KPNA3: variants seen among roughly 807,000 people sequenced by gnomAD.
The protein encoded by KPNA3 is importin subunit alpha-4.
KPNA3 carries 13 observed loss-of-function variants against 73.8 expected under a neutral mutation model. The ratio of observed to expected loss-of-function variants is 0.18; its 90% CI spans 0.11 to 0.28. The LOEUF (loss-of-function observed/expected upper bound fraction) is 0.28. KPNA3 is among the 10% of genes least tolerant of loss of function. The pLI is 1.00. For missense variants in KPNA3, 360 were observed against 618.1 expected, an observed-to-expected ratio of 0.58 and a Z score of 4.43; for synonymous variants, 186 against 206.9, an observed-to-expected ratio of 0.90 and a Z score of 0.87.
At chr13:49,787,067 T>TA (rs1470221238) in intron 1 of KPNA3, among the ~76,000 whole-genome samples, 2 of 152,184 alleles carry the variant, frequency 1.3e-5, no homozygotes, top group African/African-American at 4.8e-5. Context: ...GATAGAATCT[T>TA]AAACTTGGAC....
At chr13:49,783,354 G>C (rs577900917) in intron 1 of KPNA3, among the ~76,000 whole-genome samples, 1 of 152,160 alleles carries the variant, frequency 6.6e-6, no homozygotes, top group East Asian at 1.9e-4. Context: ...CAGCAAAACT[G>C]CAAGAAAGGA....
intron 1 of KPNA3, among the ~76,000 whole-genome samples, chr13:49,776,236 C>T (rs549242834): frequency 1.5e-4 from 23 of 152,208 alleles, no homozygotes; most frequent in African/African-American, 4.8e-4. Context: ...AGAACTTTAA[C>T]ATCCAAGTAT....
intron 9 of KPNA3, among the ~76,000 whole-genome samples, chr13:49,720,422 A>G (rs1954344100): frequency 6.6e-6 from 1 of 152,206 alleles, no homozygotes; most frequent in Non-Finnish European, 1.5e-5. Context: ...TTTGCATAGC[A>G]ACAAAAAGTA....
At position 49,702,393 on chromosome 13, in the gene KPNA3, C is replaced by T; in HGVS notation, c.1460G>A (p.Gly487Asp). Residue 487 changes from glycine to aspartate, a missense_variant, in exon 16 of 17, where the codon GGT becomes GAT. By Grantham distance (94) the Gly-to-Asp change is moderately conservative. This residue lies in a region of KPNA3 where 287 missense variants were observed against 549.1 expected (regional missense o/e 0.52). Coordinates refer to ENST00000261667, the MANE Select transcript of KPNA3 (RefSeq NM_002267.4). ...AFEIIDQYFS[G>D]DDIDEDPCLI... Reference sequence around the variant, plus strand: ...ATTTTAATATCTACTTACATCATCACCAGAGAAATACTGATCTATGATTTC... The same window carrying T: ...ATTTTAATATCTACTTACATCATCATCAGAGAAATACTGATCTATGATTTC... 1 of 1,451,010 alleles carries T rather than the reference C, an allele frequency of 6.9e-7. No individual in the cohort carries two copies. Among genetic ancestry groups the T allele is most frequent in the Non-Finnish European group, 9.6e-7 (1 of 1,038,880 alleles). The allele number at this position is 1,451,010 out of a possible 1,614,324, so 89.9% of individuals were successfully genotyped here. A position where few individuals can be genotyped will look rare whatever the true frequency, so the allele number is the denominator to read the frequency against.
At chr13:49,720,647 G>A (rs1031968618) in intron 9 of KPNA3, among the ~76,000 whole-genome samples, 2 of 149,412 alleles carry the variant, frequency 1.3e-5, no homozygotes, top group African/African-American at 2.5e-5. Context: ...CATGAGAATC[G>A]CTTGAACCCC....
At chr13:49,705,541 G>T in intron 15 of KPNA3, 80 bp downstream of exon 15, 2 of 1,367,526 alleles carry the variant, frequency 1.5e-6, no homozygotes, top group African/African-American at 1.4e-5. Flanking sequence ...GTAATTTTCT[G>T]TCTAGTAAGT....
At chr13:49,741,745 T>C (rs1260568462) in intron 2 of KPNA3, among the ~76,000 whole-genome samples, 10 of 152,184 alleles carry the variant, frequency 6.6e-5, no homozygotes, top group South Asian at 2.1e-4. Context: ...TGAGCCACCG[T>C]GCCCAATCCT....
At chr13:49,746,826 C>G in intron 2 of KPNA3, 123 bp downstream of exon 2, 1 of 676,096 alleles carries the variant, frequency 1.5e-6, no homozygotes, top group East Asian at 2.7e-5. Context: ...GATAAAGTAT[C>G]CAGTGATGTG....
chr13:49,717,820 C>T (rs892543153), intron 10 of KPNA3, among the ~76,000 whole-genome samples: 4 of 152,228 alleles, frequency 2.6e-5, no homozygotes, highest in African/African-American at 9.6e-5. Context: ...TCTGTCCCCA[C>T]TTCTGTCTCC....
chr13:49,703,807 G>A (rs1954174925), intron 15 of KPNA3, among the ~76,000 whole-genome samples: 1 of 151,908 alleles, frequency 6.6e-6, no homozygotes, highest in Non-Finnish European at 1.5e-5. Context: ...TCTTTTTGAA[G>A]GTTATTTTAA....
At chr13:49,708,515 T>C (rs1954229522) in intron 12 of KPNA3, among the ~76,000 whole-genome samples, 9 of 152,226 alleles carry the variant, frequency 5.9e-5, no homozygotes. Context: ...CGAGCAATTC[T>C]ACTTGCAGTT....
rs9535312 is a variant in KPNA3, at chr13:49,722,520, C to T, written c.513G>A (p.Gln171=). The change falls in exon 8 of 17, where the codon CAG becomes CAA. Residue 171 remains glutamine (Q), a synonymous_variant. Coordinates refer to ENST00000261667, the MANE Select transcript of KPNA3 (RefSeq NM_002267.4). ...LFLRLLRSPH[Q]NVCEQAVWAL... is the part of the protein sequence containing the mutation. ...CCCATACTGCTTGTTCACAAACATT[C>T]TGATGTGGTGAACGAAGAAGTCTCA... 6.2e-7 allele frequency: 1 copy of T among 1,612,076 alleles called. No individual in the cohort carries two copies. Among genetic ancestry groups the T allele is most frequent in the Non-Finnish European group, 8.5e-7 (1 of 1,179,020 alleles).
intron 11 of KPNA3, among the ~76,000 whole-genome samples, chr13:49,710,040 A>G (rs951264161): frequency 1.3e-5 from 2 of 151,996 alleles, no homozygotes; most frequent in Non-Finnish European, 2.9e-5. Flanking sequence ...GGCGGGGGGG[A>G]TCACCTGAGG....
Position 49,730,519 on chromosome 13 carries a change from C to CAA in KPNA3, c.383+1850_383+1851dup, listed in dbSNP as rs55725741. Among the ~76,000 whole-genome samples, 40 of 27,290 alleles carry CAA rather than the reference C, an allele frequency of 1.5e-3. 11 individuals carry two copies. Among genetic ancestry groups the CAA allele is most frequent in the East Asian group, 6.8e-3 (4 of 590 alleles). 17.9% of individuals were successfully genotyped at this position (27,290 alleles called of 152,430 possible). ...TGGGCAACAGAGCGAGACTCTGTCT[C>CAA]AAAAAAAAAAAAAAAAAAAAAAAAA... On this transcript the variant is annotated intron_variant, in intron 6 of 16. Transcript: ENST00000261667.
At chr13:49,750,184 A>G (rs1954650239) in intron 1 of KPNA3, among the ~76,000 whole-genome samples, 1 of 152,232 alleles carries the variant, frequency 6.6e-6, no homozygotes, top group Non-Finnish European at 1.5e-5. Flanking sequence ...GGATCGGCAA[A>G]CTATAACCTG....
At chr13:49,756,289 T>C (rs1055968230) in intron 1 of KPNA3, among the ~76,000 whole-genome samples, 1 of 151,668 alleles carries the variant, frequency 6.6e-6, no homozygotes, top group African/African-American at 2.4e-5. Flanking sequence ...AAACAAACAA[T>C]GCTGGATGAT....
At chr13:49,718,372 G>A (rs1156648894) in intron 10 of KPNA3, among the ~76,000 whole-genome samples, 2 of 152,158 alleles carry the variant, frequency 1.3e-5, no homozygotes, top group Admixed American at 1.3e-4. Flanking sequence ...TAATTTGTGA[G>A]TGTTTGCTAA....
chr13:49,726,741 G>A (rs1172529155), intron 6 of KPNA3, among the ~76,000 whole-genome samples: 5 of 151,844 alleles, frequency 3.3e-5, no homozygotes, highest in African/African-American at 9.7e-5. Context: ...CAAAAAGTTC[G>A]AAACCAGCCT....
intron 16 of KPNA3, 67 bp from the exon 17 acceptor site, chr13:49,701,965 G>T: frequency 9.8e-7 from 1 of 1,022,756 alleles, no homozygotes; most frequent in South Asian, 1.4e-5. Context: ...AAGTGGAATT[G>T]ACTTTTTACC....
Sources: gnomAD v4.1 joint callset for allele counts (sites outside exome capture counted in the v4.1 genomes callset) on GRCh38, gnomAD v4.1.1 for gene constraint, gnomAD v4.1.1 regional missense constraint, MANE v1.5 for transcripts, NCBI Gene and HGNC (gene_info 2026-07-23, HGNC 2026-07-21) for gene names.